Variants in ANAPC16 observed in about 807,000 individuals in gnomAD.
The protein encoded by ANAPC16 is anaphase promoting complex subunit 16.
A neutral mutation model predicts 13.1 loss-of-function variants in ANAPC16; 6 were observed. That is an observed-to-expected ratio of 0.46 (90% CI 0.25 to 0.90). The LOEUF (loss-of-function observed/expected upper bound fraction) is 0.90. Among genes scored for constraint, ANAPC16 ranks in the 40% least tolerant of loss-of-function variants. The probability of loss-of-function intolerance (pLI) is 0.18; values close to 1 mark genes in which losing one functional copy is unlikely to be tolerated. For missense variants in ANAPC16, 113 were observed against 131.1 expected, an observed-to-expected ratio of 0.86 and a Z score of 0.67; for synonymous variants, 55 against 51.3, an observed-to-expected ratio of 1.07 and a Z score of -0.31.
At chr10:72,219,716 A>G (rs1448443657) in intron 1 of ANAPC16, among the ~76,000 whole-genome samples, 1 of 152,214 alleles carries the variant, frequency 6.6e-6, no homozygotes, top group Non-Finnish European at 1.5e-5. Context: ...CAGCCTGGGA[A>G]ACATAGCGAC....
intron 1 of ANAPC16, chr10:72,220,639 A>G (rs1859886357): frequency 1.3e-5 from 2 of 151,530 alleles, no homozygotes; most frequent in Middle Eastern, 3.4e-3. Flanking sequence ...CCTGGGTGAC[A>G]GAGCGAGAGC....
At chr10:72,224,612 CA>C (rs66526217) in intron 2 of ANAPC16, among the ~76,000 whole-genome samples, 8,997 of 103,462 alleles carry the variant, frequency 0.087, 873 homozygotes, top group African/African-American at 0.24. Flanking sequence ...GACTCTGTCT[CA>C]AAAAAAAAAA....
chr10:72,232,407 G>A (rs906453129), intron 3 of ANAPC16, among the ~76,000 whole-genome samples: 9 of 150,656 alleles, frequency 6.0e-5, no homozygotes, highest in Non-Finnish European at 1.3e-4. Flanking sequence ...AGCTGGGCAC[G>A]ATGGCGGGTG....
intron 1 of ANAPC16, among the ~76,000 whole-genome samples, chr10:72,221,726 A>ATTT (rs58310763): frequency 4.0e-5 from 4 of 101,070 alleles, no homozygotes; most frequent in Non-Finnish European, 4.2e-5. Flanking sequence ...ACCCAGCTAA[A>ATTT]TTTTTTTTTT....
At position 72,218,187 on chromosome 10, in the gene ANAPC16, T is replaced by A. The variant is rs866837048; in HGVS notation, c.-28+2049T>A. ...AAAAATATATATATATATATATATA[T>A]ATATATATATATATATATATATATA... On this transcript the variant is annotated intron_variant, in intron 1 of 3. Coordinates refer to ENST00000299381, the MANE Select transcript of ANAPC16 (RefSeq NM_173473.4). 6.8e-3 allele frequency among the ~76,000 whole-genome samples: 600 copies of A among 88,112 alleles called. 57 individuals are homozygous for A. The highest frequency in any genetic ancestry group is 0.028 in the African/African-American group (369 of 13,310). The allele number at this position is 88,112 out of a possible 152,430, so 57.8% of individuals were successfully genotyped here. A position where few individuals can be genotyped will look rare whatever the true frequency, so the allele number is the denominator to read the frequency against.
At chr10:72,223,742 A>G (rs1174098794) in intron 1 of ANAPC16, 146 bp from the exon 2 acceptor site, 11 of 575,090 alleles carry the variant, frequency 1.9e-5, no homozygotes, top group East Asian at 1.3e-4. Context: ...TGAGACATCA[A>G]TAAAATATTG....
chr10:72,217,896 A>G (rs1859618408), intron 1 of ANAPC16, among the ~76,000 whole-genome samples: 1 of 147,880 alleles, frequency 6.8e-6, no homozygotes, highest in Non-Finnish European at 1.5e-5. Flanking sequence ...TTTGAATTTT[A>G]GATTTTCGGA....
chr10:72,216,275 G>C (rs149733377), intron 1 of ANAPC16, 137 bp downstream of exon 1: 2 of 158,884 alleles, frequency 1.3e-5, no homozygotes, highest in Non-Finnish European at 2.8e-5. Flanking sequence ...ACGTGCGATA[G>C]GAAATTTCCC....
chr10:72,220,343 A>AG (rs1859866365), intron 1 of ANAPC16: 1 of 149,596 alleles, frequency 6.7e-6, no homozygotes, highest in African/African-American at 2.5e-5. Flanking sequence ...AAAAAAAAAA[A>AG]GAAGAGAAAA....
In ANAPC16 at chr10:72,224,024, C is replaced by T; in HGVS notation, c.110C>T (p.Thr37Ile). The change falls in exon 2 of 4, where the codon ACC becomes ATC. Residue 37 changes from threonine (T) to isoleucine (I), a missense_variant. Thr to Ile is a moderately conservative substitution (Grantham distance 89). Transcript: ENST00000299381. ...DLAPPRKALF[T>I]YPKGAGEMLE... ...GCCCCACCACGGAAAGCCCTTTTCA[C>T]CTACCCCAAAGGAGCTGGAGAGATG... 6.2e-7 allele frequency: 1 copy of T among 1,611,326 alleles called. No individual in the cohort carries two copies. Among genetic ancestry groups the T allele is most frequent in the Non-Finnish European group, 8.5e-7 (1 of 1,177,828 alleles).
At chr10:72,230,891 A>AC (rs1389154503) in intron 3 of ANAPC16, among the ~76,000 whole-genome samples, 2 of 152,100 alleles carry the variant, frequency 1.3e-5, no homozygotes, top group Non-Finnish European at 2.9e-5. Context: ...TGTCTGAAAA[A>AC]CAAAAAAAGT....
At chr10:72,221,831 G>A (rs575761389) in intron 1 of ANAPC16, among the ~76,000 whole-genome samples, 2 of 150,076 alleles carry the variant, frequency 1.3e-5, no homozygotes, top group East Asian at 4.0e-4. Flanking sequence ...CCAGGTTCAA[G>A]CGATTCTCCT....
Position 72,234,445 on chromosome 10 carries a change from A to T in ANAPC16, c.*1329A>T, listed in dbSNP as rs1010628907. On this transcript the variant is annotated 3_prime_UTR_variant, in exon 4 of 4. Transcript: ENST00000299381. ...GAGCCACCGCGCCTGGCCTCAAGTA[A>T]GTTTTTATACCATGATAGGGGAAAA... is the stretch of plus-strand genomic sequence containing the variant. The T allele has an allele frequency of 6.6e-6, 1 of 152,156 alleles. No homozygotes were observed. Among genetic ancestry groups the T allele is most frequent in the Non-Finnish European group, 1.5e-5 (1 of 68,066 alleles). 9.4% of individuals were successfully genotyped at this position (152,156 alleles called of 1,614,324 possible).
chr10:72,231,846 C>T lies in ANAPC16; in HGVS notation c.218-1155C>T, dbSNP rs970604400. On this transcript the variant is annotated intron_variant, in intron 3 of 3. Transcript: ENST00000299381. The stretch of plus-strand genomic sequence containing the variant: ...CTTGGATTACAGGCATGAGCCACTG[C>T]GCCCAGCCTTTCTTCTTTTAACATT... Among the ~76,000 whole-genome samples the T allele has an allele frequency of 2.0e-5, 3 of 151,958 alleles. No homozygotes were observed. The South Asian group carries it at 6.2e-4, about 32-fold the overall frequency.
rs1264014783 is a variant in ANAPC16 at position 72,233,205 on chromosome 10, C to T, written c.*89C>T. On this transcript the variant is annotated 3_prime_UTR_variant, in exon 4 of 4. Transcript: ENST00000299381. ...GCTTACATAGCCATCCAGAGATCCACAGCTACGTCACTGAATTGTTAATGC... is the reference window on the plus strand; with the variant it reads ...GCTTACATAGCCATCCAGAGATCCATAGCTACGTCACTGAATTGTTAATGC... 6 of 935,052 alleles carry T rather than the reference C, an allele frequency of 6.4e-6. No individual in the cohort carries two copies. The South Asian group carries it at 7.1e-5, about 11-fold the overall frequency. 57.9% of individuals were successfully genotyped at this position (935,052 alleles called of 1,614,324 possible). A position where few individuals can be genotyped will look rare whatever the true frequency, so the allele number is the denominator to read the frequency against.
rs530992242 is a variant in ANAPC16 at position 72,229,122 on chromosome 10, CT to C, written c.143-1234del. ...ATAATGACTGCTGACATTCAAACCC[CT>C]TTTTTTTTTGAGACTGAGTTTGAAT... On this transcript the variant is annotated intron_variant, in intron 2 of 3. Transcript: ENST00000299381. 8.1e-3 allele frequency among the ~76,000 whole-genome samples: 1,189 copies of C among 147,036 alleles called. 8 individuals carry two copies. The highest frequency in any genetic ancestry group is 0.042 in the South Asian group (195 of 4,680).
intron 1 of ANAPC16, among the ~76,000 whole-genome samples, chr10:72,221,570 TGAGACA>T (rs1859933891): frequency 7.3e-6 from 1 of 136,282 alleles, no homozygotes; most frequent in Non-Finnish European, 1.5e-5. Flanking sequence ...TTTTTTTTTT[TGAGACA>T]GAGTCTGGCT....
At chr10:72,220,577 T>C (rs1481193032) in intron 1 of ANAPC16, among the ~76,000 whole-genome samples, 6 of 151,952 alleles carry the variant, frequency 3.9e-5, no homozygotes, top group Admixed American at 3.3e-4. Flanking sequence ...GGAGGATTGC[T>C]TGAGCCCAGG....
intron 3 of ANAPC16, among the ~76,000 whole-genome samples, chr10:72,231,847 G>A (rs999398459): frequency 1.5e-4 from 22 of 151,666 alleles, no homozygotes; most frequent in Admixed American, 9.9e-4. Context: ...GAGCCACTGC[G>A]CCCAGCCTTT....
Sources: allele counts gnomAD v4.1 joint callset (sites outside exome capture counted in the v4.1 genomes callset), GRCh38; gene constraint gnomAD v4.1.1; transcripts MANE v1.5; gene names NCBI Gene and HGNC (gene_info 2026-07-23, HGNC 2026-07-21).